MTUS2: variants seen among roughly 807,000 people sequenced by gnomAD.
The protein encoded by MTUS2 is microtubule-associated tumor suppressor candidate 2.
MTUS2 carries 40 observed loss-of-function variants against 114.1 expected under a neutral mutation model. The ratio of observed to expected loss-of-function variants is 0.35; its 90% CI spans 0.27 to 0.46. MTUS2 has a LOEUF of 0.46. Ranked by LOEUF, MTUS2 falls within the 20% of genes least tolerant of loss-of-function variation. The probability of loss-of-function intolerance (pLI) is 1.00; values close to 1 mark genes in which losing one functional copy is unlikely to be tolerated. For synonymous variants in MTUS2, 688 were observed against 672.0 expected (o/e 1.02, Z -0.37); for missense variants, 1,679 against 1,705.4 (o/e 0.98, Z 0.27).
chr13:29,105,900 A>G (rs1890646455), intron 5 of MTUS2, among the ~76,000 whole-genome samples: 1 of 152,146 alleles, frequency 6.6e-6, no homozygotes, highest in Non-Finnish European at 1.5e-5. Flanking sequence ...GATCTTTGGT[A>G]GGGGAGCGGT....
rs10647691 is a variant in MTUS2 at position 29,013,770 on chromosome 13, C to CCA, written c.-242-10674_-242-10673dup. Among the ~76,000 whole-genome samples, 259 of 151,514 alleles carry CCA rather than the reference C, an allele frequency of 1.7e-3. 1 individual carries two copies. Among genetic ancestry groups the CCA allele is most frequent in the African/African-American group, 5.8e-3 (238 of 41,376 alleles). On this transcript the variant is annotated intron_variant, in intron 2 of 15. Transcript: ENST00000612955. Reference sequence around the variant, plus strand: ...CCAGCCTGATACTTTGTTAAACTATCCACACACACACACATACGTGCACAG... The same window carrying CCA: ...CCAGCCTGATACTTTGTTAAACTATCCACACACACACACACATACGTGCACAG...
chr13:28,841,772 C>T (rs531480077), intron 2 of MTUS2, among the ~76,000 whole-genome samples: 112 of 151,996 alleles, frequency 7.4e-4, no homozygotes, highest in Admixed American at 1.6e-3. Context: ...CTGCAACCTC[C>T]GCCTCCCAGG....
intron 7 of MTUS2, among the ~76,000 whole-genome samples, chr13:29,345,674 G>C (rs567693192): frequency 6.6e-6 from 1 of 151,936 alleles, no homozygotes; most frequent in African/African-American, 2.4e-5. Context: ...TTTCTTCTTG[G>C]TTTGGCTCAA....
intron 6 of MTUS2, among the ~76,000 whole-genome samples, chr13:29,285,750 A>T (rs2139557143): frequency 6.6e-6 from 1 of 152,346 alleles, no homozygotes; most frequent in South Asian, 2.1e-4. Flanking sequence ...TGAAGAGGGC[A>T]TGGGAACCTG....
chr13:29,039,659 C>T (rs1028965911), intron 4 of MTUS2, among the ~76,000 whole-genome samples: 4 of 152,186 alleles, frequency 2.6e-5, no homozygotes, highest in Middle Eastern at 3.2e-3. Flanking sequence ...CTGCAGATGC[C>T]TGTTGACAGA....
chr13:29,213,984 T>C (rs1307111221), intron 5 of MTUS2, among the ~76,000 whole-genome samples: 1 of 152,152 alleles, frequency 6.6e-6, no homozygotes, highest in Non-Finnish European at 1.5e-5. Context: ...ATTTTTGTGT[T>C]CTCAGTGGTT....
At chr13:28,999,686 T>C (rs1476786835) in intron 2 of MTUS2, among the ~76,000 whole-genome samples, 7 of 152,188 alleles carry the variant, frequency 4.6e-5, no homozygotes, top group African/African-American at 1.7e-4. Context: ...TTGTTAACTG[T>C]AGTCACCCTA....
chr13:29,112,400 A>T (rs1890916442), intron 5 of MTUS2, among the ~76,000 whole-genome samples: 1 of 152,128 alleles, frequency 6.6e-6, no homozygotes, highest in Non-Finnish European at 1.5e-5. Context: ...ATGTTTTGAT[A>T]TTGAGGAGAA....
intron 2 of MTUS2, among the ~76,000 whole-genome samples, chr13:28,841,411 C>G (rs1226833669): frequency 1.2e-4 from 19 of 152,032 alleles, no homozygotes; most frequent in African/African-American, 9.7e-5. Flanking sequence ...GAAAGTGGTG[C>G]AGGTTGTGGG....
intron 2 of MTUS2, among the ~76,000 whole-genome samples, chr13:29,009,649 T>C (rs1840215096): frequency 6.6e-6 from 1 of 152,212 alleles, no homozygotes; most frequent in Non-Finnish European, 1.5e-5. Flanking sequence ...TGTTCATGGT[T>C]TCTCTGTGTA....
At chr13:29,231,671 T>C (rs1694917969) in intron 5 of MTUS2, among the ~76,000 whole-genome samples, 1 of 152,244 alleles carries the variant, frequency 6.6e-6, no homozygotes, top group Non-Finnish European at 1.5e-5. Flanking sequence ...ACTTAACTCA[T>C]TATTTCACAG....
At chr13:29,284,923 T>G (rs1898414637) in intron 6 of MTUS2, among the ~76,000 whole-genome samples, 1 of 152,060 alleles carries the variant, frequency 6.6e-6, no homozygotes, top group Non-Finnish European at 1.5e-5. Flanking sequence ...GACTTCCCAG[T>G]AGAGGGAGAT....
At chr13:28,996,189 C>T in intron 2 of MTUS2, among the ~76,000 whole-genome samples, 1 of 152,092 alleles carries the variant, frequency 6.6e-6, no homozygotes, top group Non-Finnish European at 1.5e-5. Context: ...TGTTTATATG[C>T]TGGATTACAT....
At chr13:29,379,187 A>G (rs183175638) in intron 8 of MTUS2, among the ~76,000 whole-genome samples, 1 of 152,208 alleles carries the variant, frequency 6.6e-6, no homozygotes. Context: ...TCACAGCAGC[A>G]TGAGAACAGA....
intron 5 of MTUS2, among the ~76,000 whole-genome samples, chr13:29,103,443 A>G (rs1890511411): frequency 6.6e-6 from 1 of 152,254 alleles, no homozygotes; most frequent in East Asian, 1.9e-4. Context: ...ATATCTAAAC[A>G]TAGAAGAAGT....
At chr13:28,856,769 A>G (rs1343865795) in intron 2 of MTUS2, among the ~76,000 whole-genome samples, 1 of 152,230 alleles carries the variant, frequency 6.6e-6, no homozygotes, top group Non-Finnish European at 1.5e-5. Flanking sequence ...CATTGGCTGT[A>G]GAACAGAAGC....
chr13:29,225,216 T>G (rs889820836), intron 5 of MTUS2, among the ~76,000 whole-genome samples: 9 of 152,270 alleles, frequency 5.9e-5, no homozygotes, highest in Non-Finnish European at 1.2e-4. Flanking sequence ...CTTTGTGTTC[T>G]CTTCCAATTC....
At chr13:28,831,023 A>G (rs774073235) in intron 1 of MTUS2, among the ~76,000 whole-genome samples, 4 of 152,206 alleles carry the variant, frequency 2.6e-5, no homozygotes, top group Non-Finnish European at 5.9e-5. Context: ...TATTAAAGGT[A>G]ATCTTTCAGT....
At chr13:29,071,269 G>GGATTACAGGTGTGA (rs1888913097) in intron 4 of MTUS2, among the ~76,000 whole-genome samples, 2 of 150,932 alleles carry the variant, frequency 1.3e-5, no homozygotes. Context: ...CAAAGTGCTG[G>GGATTACAGGTGTGA]GATTACAGGT....
Sources: gnomAD v4.1 joint callset for allele counts (sites outside exome capture counted in the v4.1 genomes callset) on GRCh38, gnomAD v4.1.1 for gene constraint, MANE v1.5 for transcripts, NCBI Gene and HGNC (gene_info 2026-07-23, HGNC 2026-07-21) for gene names.